Variants in CACNA1C observed in about 807,000 individuals in gnomAD.
CACNA1C encodes the protein voltage-dependent L-type calcium channel subunit alpha-1C.
Under a neutral mutation model 229.0 loss-of-function variants are expected in CACNA1C, and 30 were observed. The observed-to-expected ratio is 0.13, with a 90% CI of 0.10 to 0.18. The LOEUF (loss-of-function observed/expected upper bound fraction) is 0.18. Among genes scored for constraint, CACNA1C ranks in the 10% least tolerant of loss-of-function variants. The pLI is 1.00. For synonymous variants in CACNA1C, 1,114 were observed against 1,132.5 expected, an observed-to-expected ratio of 0.98 and a Z score of 0.33; for missense variants, 1,658 against 2,845.0, an observed-to-expected ratio of 0.58 and a Z score of 9.49.
intron 1 of CACNA1C, among the ~76,000 whole-genome samples, chr12:2,063,525 C>T (rs1289578306): frequency 6.6e-6 from 1 of 152,098 alleles, no homozygotes; most frequent in African/African-American, 2.4e-5. Context: ...AATTTCAGAC[C>T]TAGATAGGTC....
chr12:2,501,193 G>C (rs573585402), intron 7 of CACNA1C, among the ~76,000 whole-genome samples: 2 of 115,360 alleles, frequency 1.7e-5, no homozygotes, highest in African/African-American at 6.8e-5. Context: ...CTGGGCGACA[G>C]AGTGAGACTC....
At chr12:2,199,918 C>T (rs2154316609) in intron 3 of CACNA1C, among the ~76,000 whole-genome samples, 1 of 152,286 alleles carries the variant, frequency 6.6e-6, no homozygotes, top group African/African-American at 2.4e-5. Flanking sequence ...TGCTACCATC[C>T]TCCCAGCTCC....
chr12:2,034,932 C>G lies in CACNA1C; in HGVS notation c.139+63731C>G, dbSNP rs1391025249. Among the ~76,000 whole-genome samples the G allele has an allele frequency of 6.6e-6, 1 of 152,186 alleles. No individual in the cohort carries two copies. The highest frequency in any genetic ancestry group is 1.5e-5 in the Non-Finnish European group (1 of 68,032). On this transcript the variant is annotated intron_variant, in intron 1 of 46. Coordinates refer to the CACNA1C transcript ENST00000682462. The surrounding 1 kb of genome is among the most constrained non-coding windows in gnomAD (Gnocchi z 4.1). ...CAACTTTGCGGGACAGGGGAAGAAG[C>G]CTTAGGAGCTGGCGAGGCGAGGGGG...
intron 3 of CACNA1C, among the ~76,000 whole-genome samples, chr12:2,151,507 A>T (rs1186270896): frequency 6.6e-6 from 1 of 152,230 alleles, no homozygotes; most frequent in Non-Finnish European, 1.5e-5. Context: ...CTCTGCACAG[A>T]AGACTCACTG....
intron 3 of CACNA1C, among the ~76,000 whole-genome samples, chr12:2,243,153 C>T (rs983544942): frequency 2.0e-5 from 3 of 152,100 alleles, no homozygotes; most frequent in African/African-American, 7.2e-5. Context: ...AGTGTATGCC[C>T]TCCATTTCCT....
At chr12:2,197,861 T>C (rs995716978) in intron 3 of CACNA1C, among the ~76,000 whole-genome samples, 1 of 152,212 alleles carries the variant, frequency 6.6e-6, no homozygotes, top group African/African-American at 2.4e-5. Context: ...CACCTACTGA[T>C]GGGTTCAGTG....
rs570322913 is a variant in CACNA1C, at chr12:2,535,459, G to A, written c.1391-14484G>A. Among the ~76,000 whole-genome samples the A allele has an allele frequency of 2.6e-5, 4 of 152,022 alleles. No homozygotes were observed. In the East Asian group the frequency reaches 5.8e-4, roughly 22 times the overall value. On this transcript the variant is annotated intron_variant, in intron 9 of 46. Transcript: ENST00000399655. The stretch of plus-strand genomic sequence containing the variant: ...CCCGCCTGCAATCCCAGCACTTTGG[G>A]AGGGCGAGGTGGGATGATCGCTTGA...
At chr12:2,022,386 T>C (rs940069400) in intron 1 of CACNA1C, among the ~76,000 whole-genome samples, 3 of 152,186 alleles carry the variant, frequency 2.0e-5, no homozygotes, top group African/African-American at 7.2e-5. Context: ...TTAGAAGTGT[T>C]TTGGTCTTTA....
intron 42 of CACNA1C, chr12:2,681,877 T>C: frequency 2.3e-6 from 2 of 863,084 alleles, no homozygotes; most frequent in Non-Finnish European, 4.0e-6. Flanking sequence ...AGGGAGGCAC[T>C]GAGCTGAGCT....
intron 1 of CACNA1C, among the ~76,000 whole-genome samples, chr12:2,038,609 C>T (rs1314576037): frequency 6.6e-6 from 1 of 152,148 alleles, no homozygotes; most frequent in Non-Finnish European, 1.5e-5. Flanking sequence ...GTCAAAGAAA[C>T]ATAAAAGAAG....
At chr12:2,384,429 A>G (rs967577656) in intron 3 of CACNA1C, among the ~76,000 whole-genome samples, 8 of 152,168 alleles carry the variant, frequency 5.3e-5, no homozygotes, top group Non-Finnish European at 1.2e-4. Flanking sequence ...CCTAGAGTCC[A>G]TGAAGGACTC....
intron 5 of CACNA1C, among the ~76,000 whole-genome samples, chr12:2,477,354 C>T (rs1231034415): frequency 1.3e-5 from 2 of 152,194 alleles, no homozygotes; most frequent in African/African-American, 4.8e-5. Flanking sequence ...TTTATCTGAT[C>T]ACTATCCCTG....
Position 2,567,797 on chromosome 12 carries a change from A to G in CACNA1C, c.1895+3A>G. The G allele has an allele frequency of 6.3e-7, 1 of 1,576,370 alleles. No homozygotes were observed. Among genetic ancestry groups the G allele is most frequent in the Non-Finnish European group, 8.7e-7 (1 of 1,147,258 alleles). On this transcript the variant is annotated splice_donor_region_variant and intron_variant, in intron 13 of 46. Transcript: ENST00000399655. Reference sequence around the variant, plus strand: ...CTGAGGATTTTCAAGATCACGAGGTACTGGGCTCCCCCTCTCACTTTGAAG... The same window carrying G: ...CTGAGGATTTTCAAGATCACGAGGTGCTGGGCTCCCCCTCTCACTTTGAAG...
chr12:2,385,842 G>A (rs1488760424), intron 3 of CACNA1C, among the ~76,000 whole-genome samples: 1 of 152,212 alleles, frequency 6.6e-6, no homozygotes, highest in East Asian at 1.9e-4. Flanking sequence ...CTCACCCGTA[G>A]TGACTCCATA....
intron 42 of CACNA1C, chr12:2,681,897 A>G: frequency 9.8e-7 from 1 of 1,016,098 alleles, no homozygotes; most frequent in South Asian, 1.3e-5. Context: ...TCAGACAGGA[A>G]AAGGAAGAGG....
intron 2 of CACNA1C, among the ~76,000 whole-genome samples, chr12:2,118,715 G>A (rs2085136604): frequency 6.6e-6 from 1 of 152,296 alleles, no homozygotes; most frequent in South Asian, 2.1e-4. Context: ...ATCAGCGTCT[G>A]TCTCCCATCA....
chr12:2,384,507 A>G (rs2154546481), intron 3 of CACNA1C, among the ~76,000 whole-genome samples: 1 of 152,280 alleles, frequency 6.6e-6, no homozygotes, highest in East Asian at 1.9e-4. Context: ...TCTTTCTAAC[A>G]AAAGCCCATG....
At position 2,553,249 on chromosome 12, in the gene CACNA1C, C is replaced by T. The variant is rs1432257835; in HGVS notation, c.1481+3216C>T. 2.0e-5 allele frequency among the ~76,000 whole-genome samples: 3 copies of T among 152,192 alleles called. No homozygotes were observed. The East Asian group carries it at 5.8e-4, about 29-fold the overall frequency. ...AGGCTGGGGTGGGGGGCGGAAACCACCTGCAGCGGTGCAAGATTTCATGTG... is the reference window on the plus strand; with the variant it reads ...AGGCTGGGGTGGGGGGCGGAAACCATCTGCAGCGGTGCAAGATTTCATGTG... On this transcript the variant is annotated intron_variant, in intron 10 of 46. Transcript: ENST00000399655.
intron 28 of CACNA1C, among the ~76,000 whole-genome samples, chr12:2,611,571 G>A (rs1285650799): frequency 6.6e-6 from 1 of 152,134 alleles, no homozygotes; most frequent in African/African-American, 2.4e-5. Flanking sequence ...TCGGTAAGGT[G>A]TGGCGTGTGG....
Sources: allele counts gnomAD v4.1 joint callset (sites outside exome capture counted in the v4.1 genomes callset), GRCh38; gene constraint gnomAD v4.1.1; non-coding constraint Gnocchi (gnomAD v3.1); transcripts MANE v1.5; gene names NCBI Gene and HGNC (gene_info 2026-07-23, HGNC 2026-07-21).